The following EDIL3 variants were observed in gnomAD, a reference collection of about 807,000 sequenced individuals.
EDIL3 encodes EGF like and discoidin domains 3.
Under a neutral mutation model 67.4 loss-of-function variants are expected in EDIL3, and 37 were observed. The ratio of observed to expected loss-of-function variants is 0.55; its 90% CI spans 0.42 to 0.72. EDIL3 has a LOEUF of 0.72. EDIL3 is among the 30% of genes least tolerant of loss of function. The pLI is 0.00. For missense variants in EDIL3, 527 were observed against 586.3 expected, an observed-to-expected ratio of 0.90 and a Z score of 1.04; for synonymous variants, 195 against 196.3, an observed-to-expected ratio of 0.99 and a Z score of 0.05.
chr5:83,961,286 A>G (rs1285984415), intron 10 of EDIL3, among the ~76,000 whole-genome samples: 1 of 151,132 alleles, frequency 6.6e-6, no homozygotes, highest in African/African-American at 2.4e-5. Context: ...AAATTTCCAC[A>G]TTCCTTTCTC....
At chr5:84,351,898 A>G (rs1747369303) in intron 1 of EDIL3, among the ~76,000 whole-genome samples, 1 of 152,016 alleles carries the variant, frequency 6.6e-6, no homozygotes, top group Non-Finnish European at 1.5e-5. Context: ...ATCTAAAAGA[A>G]GGCTGACATC....
At chr5:84,352,754 C>A (rs1747386386) in intron 1 of EDIL3, among the ~76,000 whole-genome samples, 1 of 151,990 alleles carries the variant, frequency 6.6e-6, no homozygotes, top group South Asian at 2.1e-4. Context: ...AGTATATCCA[C>A]ATAACACAAC....
chr5:84,223,437 A>G (rs1744387765), intron 3 of EDIL3, among the ~76,000 whole-genome samples: 1 of 151,668 alleles, frequency 6.6e-6, no homozygotes, highest in Non-Finnish European at 1.5e-5. Context: ...GAATATTATT[A>G]AGCCTTATAA....
intron 4 of EDIL3, among the ~76,000 whole-genome samples, chr5:84,176,215 AT>A (rs1748909820): frequency 1.6e-5 from 2 of 125,404 alleles, no homozygotes; most frequent in African/African-American, 3.2e-5. Context: ...ATATATATAT[AT>A]ATATATATAT....
At chr5:84,040,609 G>A (rs887601471) in intron 9 of EDIL3, among the ~76,000 whole-genome samples, 2 of 151,288 alleles carry the variant, frequency 1.3e-5, no homozygotes, top group African/African-American at 4.8e-5. Context: ...TTCTATATAT[G>A]GATGTTTAAT....
chr5:83,945,966 CTTG>C (rs1445864567), intron 10 of EDIL3, among the ~76,000 whole-genome samples: 10 of 151,928 alleles, frequency 6.6e-5, no homozygotes, highest in African/African-American at 1.2e-4. Context: ...ATATTTTGTA[CTTG>C]TTGTGTAAAC....
intron 6 of EDIL3, among the ~76,000 whole-genome samples, chr5:84,076,306 T>C (rs1418312339): frequency 2.0e-5 from 3 of 152,176 alleles, no homozygotes; most frequent in Admixed American, 2.0e-4. Context: ...CTTTTCCAGA[T>C]AACTGTAGAT....
At chr5:84,305,110 A>C (rs1746238507) in intron 1 of EDIL3, among the ~76,000 whole-genome samples, 1 of 152,352 alleles carries the variant, frequency 6.6e-6, no homozygotes, top group African/African-American at 2.4e-5. Flanking sequence ...AGGTAAATAA[A>C]ATCTAGCAGC....
chr5:84,157,397 C>T (rs1043528980), intron 4 of EDIL3, among the ~76,000 whole-genome samples: 3 of 151,816 alleles, frequency 2.0e-5, no homozygotes, highest in Non-Finnish European at 2.9e-5. Flanking sequence ...AGTAAGCAAT[C>T]CAGTAAATAA....
intron 6 of EDIL3, among the ~76,000 whole-genome samples, chr5:84,073,185 T>C (rs1418579442): frequency 2.0e-5 from 3 of 152,132 alleles, no homozygotes; most frequent in Non-Finnish European, 2.9e-5. Flanking sequence ...TAGGTATTGA[T>C]GGGACGTATC....
chr5:84,078,980 C>A (rs987955395), intron 6 of EDIL3, among the ~76,000 whole-genome samples: 2 of 152,188 alleles, frequency 1.3e-5, no homozygotes, highest in Non-Finnish European at 2.9e-5. Flanking sequence ...CCACCCCTGC[C>A]CCGTCCTCTA....
At chr5:84,355,453 T>G (rs948689993) in intron 1 of EDIL3, among the ~76,000 whole-genome samples, 22 of 152,132 alleles carry the variant, frequency 1.4e-4, no homozygotes, top group African/African-American at 5.3e-4. Context: ...CAGAAGAGTT[T>G]ATTACCCACC....
chr5:84,219,669 T>C (rs1004402655), intron 3 of EDIL3, among the ~76,000 whole-genome samples: 9 of 152,134 alleles, frequency 5.9e-5, no homozygotes, highest in African/African-American at 2.2e-4. Context: ...CTCCCATGTT[T>C]ATTGCAGCAC....
chr5:84,193,899 T>C (rs895619609), intron 3 of EDIL3, among the ~76,000 whole-genome samples: 6 of 151,984 alleles, frequency 3.9e-5, no homozygotes, highest in African/African-American at 1.4e-4. Flanking sequence ...GAATTGAATA[T>C]ACTGGCAAAG....
chr5:84,020,091 A>C (rs79288906), intron 9 of EDIL3, among the ~76,000 whole-genome samples: 1 of 147,864 alleles, frequency 6.8e-6, no homozygotes, highest in Non-Finnish European at 1.5e-5. Flanking sequence ...AAAAAAAAAA[A>C]CGCAACAAAC....
chr5:83,944,905 A>G lies in EDIL3; in HGVS notation c.1294-1337T>C, dbSNP rs184571237. Among the ~76,000 whole-genome samples the G allele has an allele frequency of 3.2e-3, 487 of 152,110 alleles. 3 individuals carry two copies. Among genetic ancestry groups the G allele is most frequent in the African/African-American group, 0.011 (471 of 41,544 alleles). On this transcript the variant is annotated intron_variant, in intron 10 of 10. Coordinates refer to ENST00000296591, the MANE Select transcript of EDIL3 (RefSeq NM_005711.5). Reference sequence around the variant, plus strand: ...AGAAAACAAAAAACAACCAAACTCCATCATCACATGACAGGATACTTAACC... The same window carrying G: ...AGAAAACAAAAAACAACCAAACTCCGTCATCACATGACAGGATACTTAACC...
intron 6 of EDIL3, among the ~76,000 whole-genome samples, chr5:84,092,219 T>C (rs1379125730): frequency 6.6e-6 from 1 of 152,188 alleles, no homozygotes; most frequent in African/African-American, 2.4e-5. Flanking sequence ...AAGCAAGTTG[T>C]TACCTTCAAT....
chr5:84,191,365 C>T (rs1303885003), intron 3 of EDIL3, among the ~76,000 whole-genome samples: 1 of 152,014 alleles, frequency 6.6e-6, no homozygotes, highest in East Asian at 1.9e-4. Context: ...GAGATTCCTG[C>T]AGGAGATGTT....
At chr5:84,230,763 A>ATGTGTGTGTGTGTGTG (rs59552122) in intron 2 of EDIL3, among the ~76,000 whole-genome samples, 8,669 of 137,038 alleles carry the variant, frequency 0.063, 343 homozygotes, top group African/African-American at 0.09. Flanking sequence ...CCACTACGTG[A>ATGTGTGTGTGTGTGTG]TGTGTGTGTG....
Sources: gnomAD v4.1 joint callset for allele counts (sites outside exome capture counted in the v4.1 genomes callset) on GRCh38, gnomAD v4.1.1 for gene constraint, MANE v1.5 for transcripts, NCBI Gene and HGNC (gene_info 2026-07-23, HGNC 2026-07-21) for gene names.